UGT1A8: variants seen among roughly 807,000 people sequenced by gnomAD.
UGT1A8 encodes the protein UDP-glucuronosyltransferase 1A8.
Under a neutral mutation model 45.3 loss-of-function variants are expected in UGT1A8, and 39 were observed. The observed-to-expected ratio is 0.86, with a 90% CI of 0.67 to 1.12. UGT1A8 has a LOEUF of 1.12. Among genes scored for constraint, UGT1A8 ranks in the 50% most tolerant of loss-of-function variants. The probability of loss-of-function intolerance (pLI) is 0.00; values close to 1 mark genes in which losing one functional copy is unlikely to be tolerated. For missense variants in UGT1A8, 719 were observed against 664.9 expected, an observed-to-expected ratio of 1.08 and a Z score of -0.90; for synonymous variants, 275 against 249.2, an observed-to-expected ratio of 1.10 and a Z score of -0.97.
At chr2:233,726,177 A>G (rs2077512621) in intron 1 of UGT1A8, among the ~76,000 whole-genome samples, 2 of 152,148 alleles carry the variant, frequency 1.3e-5, no homozygotes, top group South Asian at 4.2e-4. Context: ...AAAAAATAAA[A>G]ATTTCTTTGG....
intron 1 of UGT1A8, among the ~76,000 whole-genome samples, chr2:233,685,285 C>G (rs4338954): frequency 0.39 from 59,193 of 151,952 alleles, 11,730 homozygotes; most frequent in South Asian, 0.45. Flanking sequence ...CGCCCGCCTC[C>G]GCCTTTCAAA....
intron 1 of UGT1A8, among the ~76,000 whole-genome samples, chr2:233,764,613 G>C (rs1465626858): frequency 6.6e-6 from 1 of 152,080 alleles, no homozygotes; most frequent in Admixed American, 6.5e-5. Context: ...GTAAGAGTGG[G>C]TTTCATGAAG....
At chr2:233,647,800 T>A in intron 1 of UGT1A8, 1 of 731,824 alleles carries the variant, frequency 1.4e-6, no homozygotes. Context: ...GGGTAGAGAT[T>A]TATCAAGTTA....
intron 1 of UGT1A8, among the ~76,000 whole-genome samples, chr2:233,710,986 G>T (rs2076156562): frequency 6.6e-6 from 1 of 152,224 alleles, no homozygotes; most frequent in Non-Finnish European, 1.5e-5. Flanking sequence ...CAATCATTCA[G>T]ATCAGGCTAT....
At position 233,618,538 on chromosome 2, in the gene UGT1A8, C is replaced by T. The variant is rs147191221; in HGVS notation, c.831C>T (p.Cys277=). ...PNMIFIGGIN[C]HQGKPLPMEF... ...TGATCTTCATTGGTGGTATCAACTG[C>T]CATCAGGGAAAGCCATTGCCTATGG... Residue 277 remains cysteine (C), a synonymous_variant, in exon 1 of 5, where the codon TGC becomes TGT. Coordinates refer to ENST00000373450, the MANE Select transcript of UGT1A8 (RefSeq NM_019076.5). The T allele has an allele frequency of 5.5e-4, 890 of 1,613,714 alleles. 2 individuals carry two copies. In the African/African-American group the frequency reaches 0.01, roughly 19 times the overall value.
At chr2:233,700,037 A>T (rs1478316932) in intron 1 of UGT1A8, among the ~76,000 whole-genome samples, 1 of 152,206 alleles carries the variant, frequency 6.6e-6, no homozygotes, top group Non-Finnish European at 1.5e-5. Context: ...ACTCTGATCT[A>T]AATCAATTCC....
At chr2:233,642,506 C>T (rs564230416) in intron 1 of UGT1A8, among the ~76,000 whole-genome samples, 9 of 152,342 alleles carry the variant, frequency 5.9e-5, no homozygotes, top group Non-Finnish European at 7.3e-5. Context: ...GTTTCTCCAG[C>T]GTTAGTCCCT....
chr2:233,623,164 C>A (rs1229316077), intron 1 of UGT1A8, among the ~76,000 whole-genome samples: 3 of 152,114 alleles, frequency 2.0e-5, no homozygotes, highest in Non-Finnish European at 4.4e-5. Flanking sequence ...TAGCATGATG[C>A]CTCCAGCTTT....
chr2:233,689,041 A>G (rs1448719900), intron 1 of UGT1A8, among the ~76,000 whole-genome samples: 1 of 152,142 alleles, frequency 6.6e-6, no homozygotes, highest in African/African-American at 2.4e-5. Context: ...ATCCTACTTT[A>G]TGTCTCTTCT....
chr2:233,729,457 T>C, intron 1 of UGT1A8: 1 of 1,614,120 alleles, frequency 6.2e-7, no homozygotes, highest in Non-Finnish European at 8.5e-7. Flanking sequence ...GAAGAAATTT[T>C]TCAGAAGTAT....
rs1028823487 is a variant in UGT1A8 at position 233,637,321 on chromosome 2, C to T, written c.855+18759C>T. The T allele has an allele frequency of 1.9e-6, 3 of 1,613,916 alleles. No individual in the cohort carries two copies. The Admixed American group carries it at 5.0e-5, about 27-fold the overall frequency. ...TTTGGACTATCCCAAACCCGTGATG[C>T]CCAACATGATCTTCATTGGTGGTAT... is the stretch of plus-strand genomic sequence containing the variant. On this transcript the variant is annotated intron_variant, in intron 1 of 4. Coordinates refer to ENST00000373450, the MANE Select transcript of UGT1A8 (RefSeq NM_019076.5).
chr2:233,659,508 T>A (rs2073924207), intron 1 of UGT1A8, among the ~76,000 whole-genome samples: 1 of 152,180 alleles, frequency 6.6e-6, no homozygotes. Flanking sequence ...ATTCATTAAG[T>A]GGGAGTGGAT....
At chr2:233,648,004 G>A in intron 1 of UGT1A8, 2 of 1,606,638 alleles carry the variant, frequency 1.2e-6, no homozygotes, top group Admixed American at 3.3e-5. Context: ...TGAGGTGGTT[G>A]TAGTCAGGCC....
chr2:233,652,581 G>C (rs1463024154), intron 1 of UGT1A8, among the ~76,000 whole-genome samples: 1 of 152,084 alleles, frequency 6.6e-6, no homozygotes, highest in East Asian at 1.9e-4. Flanking sequence ...CACTCATAAT[G>C]CATAATGAAA....
At position 233,729,612 on chromosome 2, in the gene UGT1A8, T is replaced by G. The variant is rs769549634; in HGVS notation, c.856-37422T>G. On this transcript the variant is annotated intron_variant, in intron 1 of 4. Coordinates refer to ENST00000373450, the MANE Select transcript of UGT1A8 (RefSeq NM_019076.5). ...TTAACCTCTGCGCGGCAGTGCTGGC[T>G]AAGTACCTGTCGATTCCTACTGTGT... is the stretch of plus-strand genomic sequence containing the variant. 6 of 1,614,046 alleles carry G rather than the reference T, an allele frequency of 3.7e-6. No individual in the cohort carries two copies. In the South Asian group the frequency reaches 6.6e-5, roughly 18 times the overall value.
chr2:233,750,793 G>A (rs996966433), intron 1 of UGT1A8: 7 of 151,906 alleles, frequency 4.6e-5, no homozygotes, highest in African/African-American at 1.7e-4. Flanking sequence ...CAGAAGATAA[G>A]AATTTAGGTT....
intron 1 of UGT1A8, among the ~76,000 whole-genome samples, chr2:233,751,413 T>C (rs1057500388): frequency 6.6e-6 from 1 of 152,208 alleles, no homozygotes; most frequent in Non-Finnish European, 1.5e-5. Flanking sequence ...TATGGACTTT[T>C]GAGCTAGTGC....
rs1203076441 is a variant in UGT1A8, at chr2:233,734,271, G to C, written c.856-32763G>C. Among the ~76,000 whole-genome samples, 2 of 152,098 alleles carry C rather than the reference G, an allele frequency of 1.3e-5. 1 individual carries two copies. The highest frequency in any genetic ancestry group is 1.3e-4 in the Admixed American group (2 of 15,272). ...GTCTTGGGAGGGTGTATGTGTCCAG[G>C]AATTTATCCATTTCTTCTAGATTTT... On this transcript the variant is annotated intron_variant, in intron 1 of 4. Coordinates refer to ENST00000373450, the MANE Select transcript of UGT1A8 (RefSeq NM_019076.5).
At chr2:233,662,374 C>A (rs1158037062) in intron 1 of UGT1A8, among the ~76,000 whole-genome samples, 1 of 152,156 alleles carries the variant, frequency 6.6e-6, no homozygotes, top group Non-Finnish European at 1.5e-5. Context: ...ATCTCCATAA[C>A]ATTTTCTAAT....
Sources: gnomAD v4.1 joint callset for allele counts (sites outside exome capture counted in the v4.1 genomes callset) on GRCh38, gnomAD v4.1.1 for gene constraint, MANE v1.5 for transcripts, NCBI Gene and HGNC (gene_info 2026-07-23, HGNC 2026-07-21) for gene names.